TEX9: variants seen among roughly 807,000 people sequenced by gnomAD.
The protein encoded by TEX9 is testis expressed 9, also known as testis-expressed protein 9.
A neutral mutation model predicts 59.6 loss-of-function variants in TEX9; 74 were observed. The ratio of observed to expected loss-of-function variants is 1.24; its 90% confidence interval spans 1.03 to 1.51. TEX9 has a LOEUF of 1.51. Ranked by LOEUF, TEX9 falls within the 40% of genes most tolerant of loss-of-function variation. TEX9 has a pLI of 0.00. For synonymous variants in TEX9, 186 were observed against 152.2 expected, an observed-to-expected ratio of 1.22 and a Z score of -1.64; for missense variants, 522 against 447.8, an observed-to-expected ratio of 1.17 and a Z score of -1.49.
At chr15:56,402,249 TAAA>T (rs1217193261) in intron 9 of TEX9, among the ~76,000 whole-genome samples, 4 of 151,868 alleles carry the variant, frequency 2.6e-5, no homozygotes, top group South Asian at 2.1e-4. Flanking sequence ...GCAAGACTAA[TAAA>T]GAAGAAAATA....
chr15:56,247,169 A>G (rs2043878352), intron 1 of TEX9, among the ~76,000 whole-genome samples: 1 of 152,156 alleles, frequency 6.6e-6, no homozygotes, highest in South Asian at 2.1e-4. Context: ...CCTTTATGAA[A>G]CTGTAAACAT....
At chr15:56,275,799 T>C (rs1410067666) in intron 1 of TEX9, among the ~76,000 whole-genome samples, 1 of 152,166 alleles carries the variant, frequency 6.6e-6, no homozygotes, top group Admixed American at 6.5e-5. Context: ...CTTCCATTCA[T>C]TCTTGTTTAG....
chr15:56,404,815 A>C (rs1402997352), intron 9 of TEX9, among the ~76,000 whole-genome samples: 1 of 152,214 alleles, frequency 6.6e-6, no homozygotes, highest in African/African-American at 2.4e-5. Context: ...AAAAAGGGTG[A>C]GTTTATGTCC....
chr15:56,305,618 T>C (rs552581414), intron 1 of TEX9, among the ~76,000 whole-genome samples: 1 of 152,250 alleles, frequency 6.6e-6, no homozygotes, highest in East Asian at 1.9e-4. Context: ...TACACAAAAA[T>C]CAAATCAAAG....
chr15:56,429,142 T>C, intron 12 of TEX9: 22 of 1,603,658 alleles, frequency 1.4e-5, no homozygotes, highest in Non-Finnish European at 1.6e-5. Flanking sequence ...TGATATACTT[T>C]CCTGAACTCT....
chr15:56,300,067 C>T (rs889560768), intron 1 of TEX9, among the ~76,000 whole-genome samples: 16 of 152,088 alleles, frequency 1.1e-4, no homozygotes, highest in Admixed American at 2.6e-4. Context: ...AGCGGGTTCC[C>T]GGGGTCCCCA....
chr15:56,330,341 A>C (rs190271317), intron 1 of TEX9, among the ~76,000 whole-genome samples: 1 of 152,200 alleles, frequency 6.6e-6, no homozygotes, highest in East Asian at 1.9e-4. Flanking sequence ...ATCTGAAGGT[A>C]TAAAACTCAC....
intron 12 of TEX9, among the ~76,000 whole-genome samples, chr15:56,437,895 A>G (rs1415569363): frequency 1.3e-5 from 2 of 152,178 alleles, no homozygotes; most frequent in African/African-American, 2.4e-5. Context: ...ATACCTAGGA[A>G]TCCAACTTAC....
chr15:56,365,432 C>G, exon 1 of TEX9: 2 of 1,608,610 alleles, frequency 1.2e-6, no homozygotes, highest in Non-Finnish European at 1.7e-6. Flanking sequence ...CCTCGGTAAC[C>G]GCGTCGCAGT....
At chr15:56,365,700 T>G (rs1487925777) in intron 2 of TEX9, 30 bp downstream of exon 2, 3 of 1,613,404 alleles carry the variant, frequency 1.9e-6, no homozygotes, top group Non-Finnish European at 2.5e-6. Context: ...AACTTTTCCT[T>G]CTTTCTTTCA....
intron 1 of TEX9, among the ~76,000 whole-genome samples, chr15:56,310,548 A>G (rs1213378406): frequency 3.3e-5 from 5 of 152,242 alleles, no homozygotes; most frequent in African/African-American, 1.2e-4. Flanking sequence ...GAGCTTGGTC[A>G]AGGACAGAAT....
intron 12 of TEX9, chr15:56,430,071 C>G (rs1227201575): frequency 6.6e-6 from 1 of 152,086 alleles, no homozygotes; most frequent in Non-Finnish European, 1.5e-5. Flanking sequence ...TTTTTCCTTC[C>G]TTAGCACCAG....
At chr15:56,248,220 G>A (rs1384611204) in intron 1 of TEX9, among the ~76,000 whole-genome samples, 1 of 152,156 alleles carries the variant, frequency 6.6e-6, no homozygotes, top group Admixed American at 6.6e-5. Flanking sequence ...AAGTTGGGGG[G>A]TTCAGAACTA....
chr15:56,302,608 C>A (rs941573790), intron 1 of TEX9, among the ~76,000 whole-genome samples: 33 of 151,938 alleles, frequency 2.2e-4, no homozygotes, highest in Admixed American at 3.9e-4. Flanking sequence ...AAAAAAAAAT[C>A]ACCTTCACAA....
At chr15:56,367,911 T>C (rs1202825625) in intron 2 of TEX9, among the ~76,000 whole-genome samples, 10 of 152,210 alleles carry the variant, frequency 6.6e-5, no homozygotes, top group Non-Finnish European at 1.5e-5. Flanking sequence ...AACTCTCTTA[T>C]TCATTCTGTG....
chr15:56,450,352 A>C (rs571128929), downstream of TEX9, among the ~76,000 whole-genome samples: 1 of 152,232 alleles, frequency 6.6e-6, no homozygotes, highest in South Asian at 2.1e-4. Context: ...AACCATCAAC[A>C]CTATTTCCAA....
chr15:56,340,159 G>T (rs1181230207), intron 1 of TEX9, among the ~76,000 whole-genome samples: 1 of 152,118 alleles, frequency 6.6e-6, no homozygotes, highest in Non-Finnish European at 1.5e-5. Context: ...GATGGTAAGG[G>T]AAATTTAAGG....
intron 1 of TEX9, among the ~76,000 whole-genome samples, chr15:56,328,445 C>G (rs2046071857): frequency 6.6e-6 from 1 of 152,178 alleles, no homozygotes; most frequent in Middle Eastern, 3.2e-3. Flanking sequence ...TGTACCAGCT[C>G]AGCCACAGTG....
intron 1 of TEX9, among the ~76,000 whole-genome samples, chr15:56,272,206 T>C (rs2044551850): frequency 6.6e-6 from 1 of 152,114 alleles, no homozygotes; most frequent in African/African-American, 2.4e-5. Context: ...ACAGCTGTCA[T>C]CTCTGTTTAA....
Sources: gnomAD v4.1 joint callset for allele counts (sites outside exome capture counted in the v4.1 genomes callset) on GRCh38, gnomAD v4.1.1 for gene constraint, MANE v1.5 for transcripts, NCBI Gene and HGNC (gene_info 2026-07-23, HGNC 2026-07-21) for gene names.